The following COL24A1 variants were observed in gnomAD, a reference collection of about 807,000 sequenced individuals.
COL24A1 encodes the protein collagen alpha-1(XXIV) chain.
Under a neutral mutation model 253.9 loss-of-function variants are expected in COL24A1, and 224 were observed. The ratio of observed to expected loss-of-function variants is 0.88; its 90% confidence interval spans 0.79 to 0.99. The LOEUF (loss-of-function observed/expected upper bound fraction) is 0.99. Among genes scored for constraint, COL24A1 ranks in the 50% least tolerant of loss-of-function variants. The probability of loss-of-function intolerance (pLI) is 0.00; values close to 1 mark genes in which losing one functional copy is unlikely to be tolerated. For missense variants in COL24A1, 2,131 were observed against 2,068.5 expected (o/e 1.03, Z -0.59); for synonymous variants, 685 against 673.7 (o/e 1.02, Z -0.26).
At chr1:85,830,594 T>G (rs1255291241) in intron 43 of COL24A1, among the ~76,000 whole-genome samples, 1 of 152,136 alleles carries the variant, frequency 6.6e-6, no homozygotes, top group Non-Finnish European at 1.5e-5. Context: ...CATAGGACCC[T>G]CTGAGCCATG....
At chr1:86,061,459 TA>T (rs1020406865) in intron 8 of COL24A1, among the ~76,000 whole-genome samples, 36 of 152,204 alleles carry the variant, frequency 2.4e-4, no homozygotes, top group African/African-American at 8.7e-4. Flanking sequence ...CTAACCTCGA[TA>T]AAAAGTCAAT....
intron 35 of COL24A1, among the ~76,000 whole-genome samples, chr1:85,871,665 C>T (rs1408528233): frequency 6.6e-6 from 1 of 152,158 alleles, no homozygotes; most frequent in Non-Finnish European, 1.5e-5. Context: ...GCTAAAAACT[C>T]TCCATTAATT....
At chr1:85,972,669 C>T (rs182884333) in intron 20 of COL24A1, among the ~76,000 whole-genome samples, 2 of 151,052 alleles carry the variant, frequency 1.3e-5, no homozygotes, top group East Asian at 1.9e-4. Context: ...GGTGACTCCA[C>T]CTTCGACTGT....
At chr1:86,002,303 C>T (rs533524872) in intron 19 of COL24A1, among the ~76,000 whole-genome samples, 1 of 152,176 alleles carries the variant, frequency 6.6e-6, no homozygotes, top group South Asian at 2.1e-4. Flanking sequence ...CAGGCGCACC[C>T]CTGCGGAGAT....
chr1:85,787,404 C>A (rs1302679134), intron 47 of COL24A1, among the ~76,000 whole-genome samples: 1 of 152,064 alleles, frequency 6.6e-6, no homozygotes, highest in Non-Finnish European at 1.5e-5. Context: ...GGGTGTTGTT[C>A]CCCTCCCTGT....
chr1:86,024,596 C>T (rs563768550), intron 14 of COL24A1, among the ~76,000 whole-genome samples: 6 of 152,130 alleles, frequency 3.9e-5, no homozygotes, highest in Non-Finnish European at 5.9e-5. Flanking sequence ...TATATAACAC[C>T]GTTAGAGGCA....
chr1:85,785,432 T>G (rs1669578403), intron 48 of COL24A1, among the ~76,000 whole-genome samples: 2 of 152,328 alleles, frequency 1.3e-5, no homozygotes, highest in South Asian at 4.1e-4. Context: ...AAAGCTTCTT[T>G]AAGATTAACA....
intron 24 of COL24A1, among the ~76,000 whole-genome samples, chr1:85,926,713 T>A (rs1175225471): frequency 6.6e-6 from 1 of 152,118 alleles, no homozygotes; most frequent in Non-Finnish European, 1.5e-5. Flanking sequence ...AAATACCTAA[T>A]GTAAATGACA....
Position 85,868,789 on chromosome 1 carries a change from C to G in COL24A1, c.3185G>C (p.Gly1062Ala). ...CTTAAAAGTATAATTTACCTTTAAC[C>G]CATCTTTTCCCTGGAGACCTTCTTC... is the stretch of plus-strand genomic sequence containing the variant. ...PGEEGLQGKD[G>A]LKGVPGGRGL... Residue 1062 changes from glycine (G) to alanine (A), a missense_variant, in exon 36 of 60, where the codon GGG becomes GCG. Coordinates refer to ENST00000370571, the MANE Select transcript of COL24A1 (RefSeq NM_152890.7). 3.8e-6 allele frequency: 6 copies of G among 1,575,838 alleles called. No individual in the cohort carries two copies. The highest frequency in any genetic ancestry group is 5.2e-6 in the Non-Finnish European group (6 of 1,158,742).
intron 53 of COL24A1, among the ~76,000 whole-genome samples, chr1:85,764,007 T>A (rs191589106): frequency 6.6e-6 from 1 of 152,364 alleles, no homozygotes; most frequent in East Asian, 1.9e-4. Flanking sequence ...TTAGTCTTCC[T>A]TTTTGTAAAT....
chr1:86,092,264 T>C lies in COL24A1; in HGVS notation c.1653+3A>G. 6.3e-7 allele frequency: 1 copy of C among 1,590,050 alleles called. No individual in the cohort carries two copies. The highest frequency in any genetic ancestry group is 1.1e-5 in the South Asian group (1 of 89,072). ...TAATTTCATTTCATGGTCAAATAAT[T>C]ACCTTTTCTCCAGGAACAGGTTGAC... On this transcript the variant is annotated splice_donor_region_variant and intron_variant, in intron 6 of 59. Transcript: ENST00000370571.
At position 85,730,355 on chromosome 1, in the gene COL24A1, T is replaced by C; in HGVS notation, c.*191A>G. The C allele has an allele frequency of 2.1e-6, 1 of 470,516 alleles. No individual in the cohort carries two copies. The highest frequency in any genetic ancestry group is 3.4e-5 in the East Asian group (1 of 29,814). The allele number at this position is 470,516 out of a possible 1,614,324, so 29.1% of individuals were successfully genotyped here. ...TATAATTTTTAAAAGAATTAAATAC[T>C]TTATCAATCATAGTCCTTTAAAAAT... On this transcript the variant is annotated 3_prime_UTR_variant, in exon 60 of 60. Coordinates refer to ENST00000370571, the MANE Select transcript of COL24A1 (RefSeq NM_152890.7).
chr1:86,152,653 G>C (rs1482544533), intron 1 of COL24A1, among the ~76,000 whole-genome samples: 1 of 152,180 alleles, frequency 6.6e-6, no homozygotes, highest in Non-Finnish European at 1.5e-5. Flanking sequence ...AAATGCTTAA[G>C]AACTTCATTT....
intron 22 of COL24A1, 56 bp from the exon 23 acceptor site, chr1:85,965,118 T>C: frequency 1.4e-6 from 2 of 1,395,632 alleles, no homozygotes; most frequent in Middle Eastern, 1.8e-4. Context: ...TTCTCATTTT[T>C]GAAAGTTTCC....
chr1:85,977,894 T>C (rs1046987772), intron 20 of COL24A1, among the ~76,000 whole-genome samples: 14 of 152,072 alleles, frequency 9.2e-5, no homozygotes, highest in Admixed American at 7.9e-4. Context: ...GGGAAATTCA[T>C]CACAAAAAGA....
At chr1:85,940,849 T>G (rs1382368700) in intron 24 of COL24A1, among the ~76,000 whole-genome samples, 2 of 152,196 alleles carry the variant, frequency 1.3e-5, no homozygotes, top group African/African-American at 4.8e-5. Context: ...GCTTTTACTC[T>G]CACATTTATG....
At chr1:85,839,524 G>T (rs1331673394) in intron 42 of COL24A1, among the ~76,000 whole-genome samples, 1 of 151,488 alleles carries the variant, frequency 6.6e-6, no homozygotes, top group Non-Finnish European at 1.5e-5. Flanking sequence ...AAGGGTTTGA[G>T]ACCAGCCTAG....
intron 6 of COL24A1, among the ~76,000 whole-genome samples, chr1:86,090,820 C>T (rs577402910): frequency 6.6e-6 from 1 of 152,098 alleles, no homozygotes; most frequent in Non-Finnish European, 1.5e-5. Flanking sequence ...GTTTTAACCA[C>T]AGTTAGTATA....
intron 24 of COL24A1, among the ~76,000 whole-genome samples, chr1:85,924,004 C>G (rs1274542750): frequency 6.6e-6 from 1 of 152,146 alleles, no homozygotes; most frequent in Non-Finnish European, 1.5e-5. Flanking sequence ...ACGGATCTCA[C>G]AGAAATACAA....
Sources: gnomAD v4.1 joint callset for allele counts (sites outside exome capture counted in the v4.1 genomes callset) on GRCh38, gnomAD v4.1.1 for gene constraint, MANE v1.5 for transcripts, NCBI Gene and HGNC (gene_info 2026-07-23, HGNC 2026-07-21) for gene names.